BICD1: variants seen among roughly 807,000 people sequenced by gnomAD.
BICD1 encodes the protein BICD cargo adaptor 1, also known as protein bicaudal D homolog 1.
Under a neutral mutation model 92.5 loss-of-function variants are expected in BICD1, and 35 were observed. The ratio of observed to expected loss-of-function variants is 0.38; its 90% CI spans 0.29 to 0.50. BICD1 has a LOEUF of 0.50. BICD1 is among the 20% of genes least tolerant of loss of function. The probability of loss-of-function intolerance (pLI) is 0.93; values close to 1 mark genes in which losing one functional copy is unlikely to be tolerated. For synonymous variants in BICD1, 429 were observed against 465.1 expected (o/e 0.92, Z 1.00); for missense variants, 950 against 1,189.8 (o/e 0.80, Z 2.97).
At chr12:32,121,422 C>T (rs963361910) in intron 1 of BICD1, among the ~76,000 whole-genome samples, 4 of 151,482 alleles carry the variant, frequency 2.6e-5, no homozygotes, top group African/African-American at 7.3e-5. Flanking sequence ...GTGAAACCCT[C>T]TCTCTACTAA....
At chr12:32,252,568 G>A (rs1946595621) in intron 2 of BICD1, among the ~76,000 whole-genome samples, 1 of 152,064 alleles carries the variant, frequency 6.6e-6, no homozygotes, top group Non-Finnish European at 1.5e-5. Context: ...CAATTATCAG[G>A]CGTTTCTTTC....
chr12:32,110,707 A>T lies in BICD1; in HGVS notation c.213+3163A>T, dbSNP rs77730464. ...AATAACCTGAAAACTAAAAATATAC[A>T]TATATAAAAATACCTTGGATCTAAA... On this transcript the variant is annotated intron_variant, in intron 1 of 9. Transcript: ENST00000652176. 2.1e-3 allele frequency among the ~76,000 whole-genome samples: 315 copies of T among 152,230 alleles called. 7 individuals are homozygous for T. The East Asian group carries it at 0.024, about 12-fold the overall frequency.
intron 2 of BICD1, among the ~76,000 whole-genome samples, chr12:32,231,563 A>G (rs977845910): frequency 1.0e-4 from 1 of 9,886 alleles, no homozygotes; most frequent in African/African-American, 6.4e-4. Context: ...TGACTGCTTT[A>G]TTTATTTATT....
intron 2 of BICD1, among the ~76,000 whole-genome samples, chr12:32,240,643 G>T (rs1309508512): frequency 6.6e-6 from 1 of 152,158 alleles, no homozygotes; most frequent in Admixed American, 6.5e-5. Flanking sequence ...CAAAGCTTGT[G>T]TTACCATATA....
intron 9 of BICD1, among the ~76,000 whole-genome samples, chr12:32,370,088 G>A (rs887362438): frequency 4.6e-5 from 7 of 152,100 alleles, no homozygotes; most frequent in African/African-American, 1.7e-4. Context: ...ATAATGATAG[G>A]TCAGGCGTGG....
At chr12:32,173,111 G>A (rs967411831) in intron 1 of BICD1, among the ~76,000 whole-genome samples, 19 of 151,728 alleles carry the variant, frequency 1.3e-4, no homozygotes, top group African/African-American at 4.4e-4. Flanking sequence ...GCAGTGGCAC[G>A]ATCGTGGATC....
intron 4 of BICD1, among the ~76,000 whole-genome samples, chr12:32,321,129 G>T (rs1208328089): frequency 1.3e-5 from 2 of 151,978 alleles, no homozygotes; most frequent in Non-Finnish European, 2.9e-5. Flanking sequence ...GGTTTGAGAT[G>T]AGCCTGGTCA....
chr12:32,176,011 G>A (rs1944079511), intron 1 of BICD1, among the ~76,000 whole-genome samples: 4 of 152,098 alleles, frequency 2.6e-5, no homozygotes, highest in East Asian at 1.9e-4. Flanking sequence ...GACTGCTTTC[G>A]CTTAGCATAA....
rs200145198 is a variant in BICD1, at chr12:32,327,652, A to C, written c.1197A>C (p.Ser399=). 1 of 1,614,078 alleles carries C rather than the reference A, an allele frequency of 6.2e-7. No individual in the cohort carries two copies. Among genetic ancestry groups the C allele is most frequent in the Non-Finnish European group, 8.5e-7 (1 of 1,179,982 alleles). ...TGGACGGGGAGAAGGGCCGGGACTC[A>C]GGGGAGGAGGCCCATGACTATGAGG... is the stretch of plus-strand genomic sequence containing the variant. ...AELDGEKGRD[S]GEEAHDYEVD... is the part of the protein sequence containing the mutation. Residue 399 remains serine, a synonymous_variant, in exon 5 of 10, where the codon TCA becomes TCC. Transcript: ENST00000652176.
At chr12:32,137,874 T>C (rs1443852203) in intron 1 of BICD1, among the ~76,000 whole-genome samples, 1 of 152,102 alleles carries the variant, frequency 6.6e-6, no homozygotes, top group Non-Finnish European at 1.5e-5. Context: ...CTCAGTTCAC[T>C]GCAACCTCCG....
chr12:32,381,721 A>G lies in BICD1; in HGVS notation c.*4094A>G, dbSNP rs1285834285. ...CAGTAAGGAACTGTGGTGGGTTCAA[A>G]CTCAGGCTGCCACAAATACATTGAT... is the stretch of plus-strand genomic sequence containing the variant. On this transcript the variant is annotated 3_prime_UTR_variant, in exon 10 of 10. Coordinates refer to ENST00000652176, the MANE Select transcript of BICD1 (RefSeq NM_001714.4). 6.6e-6 allele frequency: 1 copy of G among 152,116 alleles called. No homozygotes were observed. 9.4% of individuals were successfully genotyped at this position (152,116 alleles called of 1,614,324 possible).
chr12:32,173,281 C>T (rs1944002783), intron 1 of BICD1, among the ~76,000 whole-genome samples: 1 of 152,130 alleles, frequency 6.6e-6, no homozygotes, highest in African/African-American at 2.4e-5. Context: ...AACTCCCGAG[C>T]TCAGGCAATC....
intron 2 of BICD1, among the ~76,000 whole-genome samples, chr12:32,287,826 T>G (rs1947614383): frequency 6.6e-6 from 1 of 152,212 alleles, no homozygotes; most frequent in South Asian, 2.1e-4. Flanking sequence ...CATGAGCCAC[T>G]GTGCCCGGCC....
chr12:32,317,860 CTT>C (rs1229369020), intron 4 of BICD1, among the ~76,000 whole-genome samples: 1 of 151,982 alleles, frequency 6.6e-6, no homozygotes, highest in Non-Finnish European at 1.5e-5. Context: ...ACATTTAAGT[CTT>C]TAATCCATCT....
chr12:32,159,080 C>T (rs768763678), intron 1 of BICD1, among the ~76,000 whole-genome samples: 4 of 152,006 alleles, frequency 2.6e-5, no homozygotes, highest in Non-Finnish European at 5.9e-5. Flanking sequence ...ATTACAGTCG[C>T]GCACCACCAT....
At chr12:32,353,256 CA>C (rs1341770026) in intron 8 of BICD1, 3 of 152,014 alleles carry the variant, frequency 2.0e-5, no homozygotes, top group Non-Finnish European at 4.4e-5. Context: ...AATGAATAAG[CA>C]TCTTCTGTAA....
At chr12:32,341,921 T>C (rs529418508) in intron 8 of BICD1, among the ~76,000 whole-genome samples, 101 of 152,016 alleles carry the variant, frequency 6.6e-4, no homozygotes, top group African/African-American at 2.2e-3. Context: ...AGAGAAAATA[T>C]GACATATAAT....
chr12:32,260,177 C>T (rs1032144445), intron 2 of BICD1, among the ~76,000 whole-genome samples: 2 of 151,898 alleles, frequency 1.3e-5, no homozygotes, highest in African/African-American at 2.4e-5. Flanking sequence ...CACCCGCCTC[C>T]GCCTCCCAAA....
At chr12:32,249,498 G>A (rs1946473758) in intron 2 of BICD1, among the ~76,000 whole-genome samples, 2 of 152,130 alleles carry the variant, frequency 1.3e-5, no homozygotes, top group African/African-American at 4.8e-5. Context: ...GAGAACTCCA[G>A]ATCTGATTTT....
Sources: allele counts gnomAD v4.1 joint callset (sites outside exome capture counted in the v4.1 genomes callset), GRCh38; gene constraint gnomAD v4.1.1; transcripts MANE v1.5; gene names NCBI Gene and HGNC (gene_info 2026-07-23, HGNC 2026-07-21).